The following PSMD1 variants were observed in gnomAD, a reference collection of about 807,000 sequenced individuals.
PSMD1 encodes proteasome 26S subunit, non-ATPase 1, also known as 26S proteasome non-ATPase regulatory subunit 1.
In PSMD1, 18 loss-of-function variants were observed where a neutral mutation model predicts 119.0. That is an observed-to-expected ratio of 0.15 (90% CI 0.10 to 0.22). The LOEUF is 0.22. Ranked by LOEUF, PSMD1 falls within the 10% of genes least tolerant of loss-of-function variation. The pLI, the probability that PSMD1 is intolerant of heterozygous loss-of-function variation, is 1.00. For synonymous variants in PSMD1, 374 were observed against 396.6 expected (o/e 0.94, Z 0.68); for missense variants, 702 against 1,158.5 (o/e 0.61, Z 5.72).
intron 6 of PSMD1, among the ~76,000 whole-genome samples, chr2:231,071,325 G>A (rs111848783): frequency 0.023 from 3,509 of 151,460 alleles, 137 homozygotes; most frequent in African/African-American, 0.079. Context: ...ATATTTTTGA[G>A]CAGATAATAT....
At position 231,058,285 on chromosome 2, in the gene PSMD1, T is replaced by A. The variant is rs150561767; in HGVS notation, c.16+1244T>A. ...TCTTCTAACTCGGCCCAAACCACCT[T>A]CATCTCTTGTCTGGGTTACTATATC... On this transcript the variant is annotated intron_variant, in intron 1 of 24. Coordinates refer to ENST00000308696, the MANE Select transcript of PSMD1 (RefSeq NM_002807.4). Among the ~76,000 whole-genome samples the A allele has an allele frequency of 8.7e-4, 133 of 152,294 alleles. 1 individual carries two copies. The highest frequency in any genetic ancestry group is 3.0e-3 in the African/African-American group (123 of 41,572).
chr2:231,144,615 T>C (rs1696211519), intron 17 of PSMD1, among the ~76,000 whole-genome samples: 1 of 151,654 alleles, frequency 6.6e-6, no homozygotes, highest in Non-Finnish European at 1.5e-5. Context: ...GGTTTTACCA[T>C]GTTGGCCAGG....
At chr2:231,138,586 ACT>A (rs527263326) in intron 16 of PSMD1, 148 bp from the exon 17 acceptor site, 1 of 600,940 alleles carries the variant, frequency 1.7e-6, no homozygotes, top group Non-Finnish European at 3.0e-6. Context: ...AATAATTAGA[ACT>A]CTATGAAAGA....
At chr2:231,072,729 A>G (rs531363899) in intron 7 of PSMD1, among the ~76,000 whole-genome samples, 6 of 152,210 alleles carry the variant, frequency 3.9e-5, no homozygotes, top group African/African-American at 1.4e-4. Flanking sequence ...TACCTTTTAG[A>G]TATTTGGGTT....
chr2:231,074,490 C>A (rs889802902), intron 7 of PSMD1, among the ~76,000 whole-genome samples: 8 of 152,018 alleles, frequency 5.3e-5, no homozygotes, highest in African/African-American at 1.7e-4. Context: ...TTACAAGTTC[C>A]TTCTGAGTTA....
At chr2:231,133,757 A>G (rs1464665415) in intron 16 of PSMD1, 1 of 152,220 alleles carries the variant, frequency 6.6e-6, no homozygotes, top group Non-Finnish European at 1.5e-5. Context: ...AAGACACCAT[A>G]TTCTTGAAAG....
intron 24 of PSMD1, among the ~76,000 whole-genome samples, chr2:231,171,041 A>G (rs1696900134): frequency 6.6e-6 from 1 of 152,226 alleles, no homozygotes. Context: ...AGTCTTCCCC[A>G]AAACATCAGC....
intron 7 of PSMD1, among the ~76,000 whole-genome samples, chr2:231,074,326 G>C (rs575707656): frequency 6.6e-6 from 1 of 151,974 alleles, no homozygotes; most frequent in East Asian, 1.9e-4. Context: ...GGCTGGTCTC[G>C]AACTCCTGAC....
intron 16 of PSMD1, among the ~76,000 whole-genome samples, chr2:231,095,929 A>G (rs898861418): frequency 6.6e-5 from 10 of 152,180 alleles, no homozygotes; most frequent in African/African-American, 2.2e-4. Context: ...TTGCTCCTCA[A>G]CTAATTCATG....
intron 17 of PSMD1, among the ~76,000 whole-genome samples, chr2:231,143,479 C>T (rs748743510): frequency 8.5e-5 from 13 of 152,182 alleles, no homozygotes; most frequent in South Asian, 2.1e-4. Flanking sequence ...CCACCTGCCT[C>T]GGCCTCCCAA....
chr2:231,121,163 C>A (rs562624871), intron 16 of PSMD1, among the ~76,000 whole-genome samples: 1 of 152,044 alleles, frequency 6.6e-6, no homozygotes, highest in African/African-American at 2.4e-5. Context: ...ATCTACAAAC[C>A]CCACTATACA....
chr2:231,106,663 G>A (rs1056680188), intron 16 of PSMD1, among the ~76,000 whole-genome samples: 1 of 152,096 alleles, frequency 6.6e-6, no homozygotes, highest in African/African-American at 2.4e-5. Context: ...TTTCTTAAGG[G>A]TTTGACATGA....
intron 16 of PSMD1, chr2:231,108,411 G>A (rs1244223255): frequency 6.3e-6 from 5 of 798,196 alleles, no homozygotes; most frequent in African/African-American, 3.5e-5. Flanking sequence ...TTAAAGAGAT[G>A]ATTTGATATA....
At position 231,139,573 on chromosome 2, in the gene PSMD1, A is replaced by AGAAG. The variant is rs1553566355; in HGVS notation, c.1998+723_1998+724insGAAG. 2.8e-3 allele frequency among the ~76,000 whole-genome samples: 400 copies of AGAAG among 144,478 alleles called. 3 individuals are homozygous for AGAAG. Among genetic ancestry groups the AGAAG allele is most frequent in the African/African-American group, 9.7e-3 (374 of 38,714 alleles). 94.8% of individuals were successfully genotyped at this position (144,478 alleles called of 152,430 possible). ...ATTGATTTCTTAAAAAAAAAAAAAA[A>AGAAG]AAGAAGAAGAAGAAGAAGAAAATAA... On this transcript the variant is annotated intron_variant, in intron 17 of 24. Transcript: ENST00000308696.
At chr2:231,094,314 C>G (rs528966137) in intron 16 of PSMD1, among the ~76,000 whole-genome samples, 2 of 152,186 alleles carry the variant, frequency 1.3e-5, no homozygotes, top group East Asian at 3.9e-4. Flanking sequence ...CTTGGTCAAG[C>G]AGTGACGTCA....
chr2:231,147,296 T>C (rs979684264), intron 18 of PSMD1, among the ~76,000 whole-genome samples: 3 of 152,174 alleles, frequency 2.0e-5, no homozygotes, highest in Non-Finnish European at 4.4e-5. Flanking sequence ...AGTTCAAGGC[T>C]AGCCTGGGCA....
intron 4 of PSMD1, among the ~76,000 whole-genome samples, chr2:231,063,862 C>G (rs2125152863): frequency 6.6e-6 from 1 of 151,554 alleles, no homozygotes; most frequent in East Asian, 1.9e-4. Flanking sequence ...CAGGATCTCA[C>G]TGTGTTGACC....
At position 231,095,275 on chromosome 2, in the gene PSMD1, T is replaced by C. The variant is rs539293504; in HGVS notation, c.1883+8094T>C. ...CAAGGTGGGACGAAGCCAATTAATATTGCCCAATAATTTTTGATAATCATT... is the reference window on the plus strand; with the variant it reads ...CAAGGTGGGACGAAGCCAATTAATACTGCCCAATAATTTTTGATAATCATT... On this transcript the variant is annotated intron_variant, in intron 16 of 24. Transcript: ENST00000308696. Among the ~76,000 whole-genome samples, 17 of 152,352 alleles carry C rather than the reference T, an allele frequency of 1.1e-4. 1 individual carries two copies. The East Asian group carries it at 3.3e-3, about 29-fold the overall frequency.
At chr2:231,117,785 G>C (rs1695393680) in intron 16 of PSMD1, among the ~76,000 whole-genome samples, 1 of 152,084 alleles carries the variant, frequency 6.6e-6, no homozygotes, top group African/African-American at 2.4e-5. Context: ...TACAAGTATA[G>C]GTTGACGCAC....
Sources: gnomAD v4.1 joint callset for allele counts (sites outside exome capture counted in the v4.1 genomes callset) on GRCh38, gnomAD v4.1.1 for gene constraint, MANE v1.5 for transcripts, NCBI Gene and HGNC (gene_info 2026-07-23, HGNC 2026-07-21) for gene names.